The following PIEZO2 variants were observed in gnomAD, a reference collection of about 807,000 sequenced individuals.
PIEZO2 encodes piezo-type mechanosensitive ion channel component 2.
PIEZO2 carries 172 observed loss-of-function variants against 337.3 expected under a neutral mutation model. That is an observed-to-expected ratio of 0.51 (90% CI 0.45 to 0.58). PIEZO2 has a LOEUF of 0.58. Among genes scored for constraint, PIEZO2 ranks in the 20% least tolerant of loss-of-function variants. The probability of loss-of-function intolerance (pLI) is 0.00; values close to 1 mark genes in which losing one functional copy is unlikely to be tolerated. For synonymous variants in PIEZO2, 1,251 were observed against 1,228.5 expected, an observed-to-expected ratio of 1.02 and a Z score of -0.38; for missense variants, 3,028 against 3,391.3, an observed-to-expected ratio of 0.89 and a Z score of 2.66.
At chr18:11,005,306 T>A (rs960817329) in intron 2 of PIEZO2, among the ~76,000 whole-genome samples, 6 of 152,238 alleles carry the variant, frequency 3.9e-5, no homozygotes, top group Admixed American at 2.6e-4. Context: ...TTGACCCTGA[T>A]ACAAAGTTCC....
At chr18:11,045,172 C>G (rs1409709038) in intron 2 of PIEZO2, among the ~76,000 whole-genome samples, 1 of 151,630 alleles carries the variant, frequency 6.6e-6, no homozygotes, top group Non-Finnish European at 1.5e-5. Flanking sequence ...TGGCAGGCGA[C>G]TGTAGTCTCA....
At chr18:11,044,717 T>C (rs2037241497) in intron 2 of PIEZO2, among the ~76,000 whole-genome samples, 1 of 152,226 alleles carries the variant, frequency 6.6e-6, no homozygotes, top group Admixed American at 6.5e-5. Context: ...GTCTATAGCA[T>C]TGCTATGAAG....
rs766936875 is a variant in PIEZO2, at chr18:10,895,137, T to C, written c.329+16049A>G. Among the ~76,000 whole-genome samples the C allele has an allele frequency of 4.5e-4, 69 of 152,128 alleles. No homozygotes were observed. The highest frequency in any genetic ancestry group is 8.5e-4 in the Non-Finnish European group (58 of 68,028). On this transcript the variant is annotated intron_variant, in intron 4 of 55. Transcript: ENST00000674853. The surrounding 1 kb of genome is among the most constrained non-coding windows in gnomAD (Gnocchi z 4.8). ...CACTGGCTTCTAGCTCCCACCAGGT[T>C]ATTTGGTAGAAAGTCAACAGCCTCA... is the stretch of plus-strand genomic sequence containing the variant.
At chr18:11,018,587 G>T (rs562968364) in intron 2 of PIEZO2, among the ~76,000 whole-genome samples, 1 of 152,082 alleles carries the variant, frequency 6.6e-6, no homozygotes, top group Non-Finnish European at 1.5e-5. Flanking sequence ...GCCACTGAAC[G>T]GTGGGTGACA....
At chr18:11,006,111 C>G (rs536220757) in intron 2 of PIEZO2, among the ~76,000 whole-genome samples, 1 of 152,240 alleles carries the variant, frequency 6.6e-6, no homozygotes, top group East Asian at 1.9e-4. Flanking sequence ...TCAGGAAGAC[C>G]CCCGGTCATC....
chr18:10,862,222 A>G lies in PIEZO2; in HGVS notation c.493-5011T>C, dbSNP rs987078867. On this transcript the variant is annotated intron_variant, in intron 5 of 55. Coordinates refer to ENST00000674853, the MANE Select transcript of PIEZO2 (RefSeq NM_001378183.1). The surrounding 1 kb of genome is among the most constrained non-coding windows in gnomAD (Gnocchi z 4.4). ...TATATATAATAGTTATTAGTCAGTT[A>G]AAAATAAAATAAAAATAATAGAATA... Among the ~76,000 whole-genome samples the G allele has an allele frequency of 2.0e-5, 3 of 152,148 alleles. No homozygotes were observed. Among genetic ancestry groups the G allele is most frequent in the African/African-American group, 7.2e-5 (3 of 41,440 alleles).
At chr18:11,046,857 A>G (rs1243151867) in intron 2 of PIEZO2, among the ~76,000 whole-genome samples, 2 of 152,232 alleles carry the variant, frequency 1.3e-5, no homozygotes, top group Non-Finnish European at 2.9e-5. Context: ...GGGCTGAGGA[A>G]GGTGGAAGAG....
chr18:10,817,628 T>C (rs1242878745), intron 7 of PIEZO2, among the ~76,000 whole-genome samples: 1 of 152,138 alleles, frequency 6.6e-6, no homozygotes, highest in Non-Finnish European at 1.5e-5. Flanking sequence ...TTCTTCAAAA[T>C]AGTAGGACTT....
chr18:10,902,950 T>C (rs1200990415), intron 4 of PIEZO2, among the ~76,000 whole-genome samples: 2 of 152,138 alleles, frequency 1.3e-5, no homozygotes, highest in African/African-American at 4.8e-5. Context: ...GTCCAAGGAA[T>C]TGAATGGGGA....
intron 3 of PIEZO2, among the ~76,000 whole-genome samples, chr18:10,944,875 T>C (rs1267941289): frequency 6.6e-6 from 1 of 151,982 alleles, no homozygotes; most frequent in Non-Finnish European, 1.5e-5. Context: ...AAGACAGTGG[T>C]TCCTAAGGGG....
rs890579003 is a variant in PIEZO2, at chr18:10,725,055, C to G, written c.5029+6352G>C. On this transcript the variant is annotated intron_variant, in intron 36 of 55. Coordinates refer to ENST00000674853, the MANE Select transcript of PIEZO2 (RefSeq NM_001378183.1). ...GCATGTTGGTGGCCCTGCGGCCAAC[C>G]AACGTGGACCGTGAGGGAGACAAGT... 1.3e-5 allele frequency: 20 copies of G among 1,555,416 alleles called. 1 individual carries two copies. The South Asian group carries it at 1.9e-4, about 15-fold the overall frequency.
At chr18:10,733,448 AT>A (rs34583213) in intron 35 of PIEZO2, among the ~76,000 whole-genome samples, 31,428 of 127,844 alleles carry the variant, frequency 0.25, 3,329 homozygotes, top group Non-Finnish European at 0.26. Context: ...AAACTTCCCA[AT>A]TTTTTTTTTT....
At chr18:10,959,852 T>G (rs867904213) in intron 3 of PIEZO2, among the ~76,000 whole-genome samples, 1 of 152,202 alleles carries the variant, frequency 6.6e-6, no homozygotes, top group African/African-American at 2.4e-5. Context: ...AGCATTTTTA[T>G]GTTAGTAAAT....
At chr18:10,714,638 G>T in intron 39 of PIEZO2, 126 bp downstream of exon 39, 1 of 1,053,394 alleles carries the variant, frequency 9.5e-7, no homozygotes, top group Non-Finnish European at 1.4e-6. Flanking sequence ...GCGACAGCTG[G>T]AAGAGGGTGG....
chr18:10,885,062 T>C (rs2042536580), intron 4 of PIEZO2, among the ~76,000 whole-genome samples: 3 of 152,034 alleles, frequency 2.0e-5, no homozygotes, highest in African/African-American at 7.2e-5. Context: ...GAGAGGCTGA[T>C]ATGGAAGAAA....
chr18:10,706,154 C>G (rs915283277), intron 40 of PIEZO2, among the ~76,000 whole-genome samples: 1 of 152,082 alleles, frequency 6.6e-6, no homozygotes, highest in African/African-American at 2.4e-5. Context: ...AAGGTTTTGA[C>G]CAAGAGCTAA....
intron 3 of PIEZO2, among the ~76,000 whole-genome samples, chr18:10,970,660 TCACACACA>T (rs71169962): frequency 0.022 from 2,981 of 137,516 alleles, 108 homozygotes; most frequent in African/African-American, 0.069. Flanking sequence ...AAAAGATGTT[TCACACACA>T]CACACACACA....
intron 7 of PIEZO2, among the ~76,000 whole-genome samples, chr18:10,811,687 T>C (rs1247932639): frequency 1.3e-5 from 2 of 152,226 alleles, no homozygotes; most frequent in African/African-American, 2.4e-5. Flanking sequence ...GCACTTTTAT[T>C]TACCTAAAGT....
intron 4 of PIEZO2, among the ~76,000 whole-genome samples, chr18:10,882,140 C>A (rs1044329603): frequency 6.6e-6 from 1 of 152,212 alleles, no homozygotes; most frequent in Non-Finnish European, 1.5e-5. Context: ...CGTCTCTCAT[C>A]CTGTCACCTT....
Sources: allele counts gnomAD v4.1 joint callset (sites outside exome capture counted in the v4.1 genomes callset), GRCh38; gene constraint gnomAD v4.1.1; non-coding constraint Gnocchi (gnomAD v3.1); transcripts MANE v1.5; gene names NCBI Gene and HGNC (gene_info 2026-07-23, HGNC 2026-07-21).